HSPA12A: variants seen among roughly 807,000 people sequenced by gnomAD.
HSPA12A encodes heat shock protein family A (Hsp70) member 12A.
HSPA12A carries 28 observed loss-of-function variants against 69.2 expected under a neutral mutation model. The ratio of observed to expected loss-of-function variants is 0.40; its 90% CI spans 0.30 to 0.55. HSPA12A has a LOEUF of 0.55. Ranked by LOEUF, HSPA12A falls within the 20% of genes least tolerant of loss-of-function variation. The pLI, the probability that HSPA12A is intolerant of heterozygous loss-of-function variation, is 0.38. For missense variants in HSPA12A, 686 were observed against 900.7 expected (o/e 0.76, Z 3.05); for synonymous variants, 345 against 370.5 (o/e 0.93, Z 0.79).
chr10:116,813,788 G>A (rs2133187363), intron 2 of HSPA12A, among the ~76,000 whole-genome samples: 1 of 152,202 alleles, frequency 6.6e-6, no homozygotes, highest in East Asian at 1.9e-4. Flanking sequence ...GGAGGCTGAG[G>A]TAAGGGAATC....
intron 6 of HSPA12A, among the ~76,000 whole-genome samples, chr10:116,684,311 C>A (rs1554879227): frequency 6.6e-6 from 1 of 152,148 alleles, no homozygotes; most frequent in African/African-American, 2.4e-5. Flanking sequence ...GGCACACGGG[C>A]TTCCATGCTC....
chr10:116,701,723 T>C (rs1850082472), intron 3 of HSPA12A, among the ~76,000 whole-genome samples: 1 of 151,998 alleles, frequency 6.6e-6, no homozygotes, highest in East Asian at 1.9e-4. Flanking sequence ...TCGTGGAGAA[T>C]GTGAAGTGAC....
At chr10:116,834,874 G>T in intron 2 of HSPA12A, 2 of 924,282 alleles carry the variant, frequency 2.2e-6, no homozygotes, top group Non-Finnish European at 2.8e-6. Context: ...CAGGAATGAG[G>T]TTCTGGGGCA....
intron 2 of HSPA12A, among the ~76,000 whole-genome samples, chr10:116,824,154 G>C (rs572256514): frequency 2.0e-5 from 3 of 152,278 alleles, no homozygotes; most frequent in East Asian, 1.9e-4. Flanking sequence ...TATCTGAAAA[G>C]ATGCCAGCAT....
chr10:116,751,215 T>A, intron 2 of HSPA12A: 1 of 233,082 alleles, frequency 4.3e-6, no homozygotes, highest in Non-Finnish European at 9.2e-6. Flanking sequence ...ATCAGGTAGC[T>A]CAAAGGAAGG....
intron 2 of HSPA12A, among the ~76,000 whole-genome samples, chr10:116,759,191 G>C (rs558725848): frequency 6.6e-6 from 1 of 152,280 alleles, no homozygotes; most frequent in East Asian, 1.9e-4. Context: ...ATCCATTAAG[G>C]TATATCCAGC....
At chr10:116,715,682 T>A (rs943990456) in intron 1 of HSPA12A, among the ~76,000 whole-genome samples, 6 of 152,230 alleles carry the variant, frequency 3.9e-5, no homozygotes, top group Admixed American at 2.0e-4. Context: ...TAATTGTGAT[T>A]TGAATGTGCC....
chr10:116,779,917 A>T (rs1246882366), intron 2 of HSPA12A, among the ~76,000 whole-genome samples: 4 of 152,124 alleles, frequency 2.6e-5, no homozygotes, highest in African/African-American at 9.7e-5. Flanking sequence ...AGGGGACTGC[A>T]GCCACCCTTC....
intron 2 of HSPA12A, among the ~76,000 whole-genome samples, chr10:116,784,533 A>G (rs1401603116): frequency 2.6e-5 from 4 of 152,252 alleles, no homozygotes; most frequent in East Asian, 1.9e-4. Context: ...TAGGTGCTCA[A>G]TAAAGGTTTG....
intron 2 of HSPA12A, among the ~76,000 whole-genome samples, chr10:116,766,898 G>A (rs1311744331): frequency 6.6e-6 from 1 of 152,184 alleles, no homozygotes; most frequent in Non-Finnish European, 1.5e-5. Context: ...GGGCCCCCAG[G>A]GAACTGCTGG....
chr10:116,709,619 T>G (rs188979761), intron 1 of HSPA12A, among the ~76,000 whole-genome samples: 335 of 152,290 alleles, frequency 2.2e-3, no homozygotes, highest in Non-Finnish European at 4.1e-3. Flanking sequence ...ATTGTATCAT[T>G]CCACTTATAG....
chr10:116,683,940 T>A lies in HSPA12A; in HGVS notation c.686A>T (p.Asn229Ile), dbSNP rs1554879124. 1 of 1,579,114 alleles carries A rather than the reference T, an allele frequency of 6.3e-7. No homozygotes were observed. ...CAAGGCAATGATGAGCTGCTCCGAG[T>A]TCTCGGGGGAGGCCAGGCCTGCCTG... Reference protein sequence around the residue: ...AYQAGLASPENSEQLIIALEP... With the variant: ...AYQAGLASPEISEQLIIALEP... Residue 229 changes from asparagine to isoleucine, a missense_variant, in exon 7 of 12, where the codon AAC becomes ATC. Physicochemically the swap from Asn to Ile is moderately radical, Grantham distance 149. Coordinates refer to ENST00000369209, the MANE Select transcript of HSPA12A (RefSeq NM_025015.3).
In HSPA12A at chr10:116,848,995, G is replaced by A. The variant is rs115461281; in HGVS notation, c.3+571C>T. ...CTCAGAGCAGGTAGTTAATAAACAT[G>A]AGCCGAATGAAAGAATTCCTGAGAT... On this transcript the variant is annotated intron_variant, in intron 1 of 12. Transcript: ENST00000635765. Among the ~76,000 whole-genome samples, 777 of 152,308 alleles carry A rather than the reference G, an allele frequency of 5.1e-3. 8 individuals carry two copies. Among genetic ancestry groups the A allele is most frequent in the African/African-American group, 0.018 (742 of 41,560 alleles).
intron 3 of HSPA12A, among the ~76,000 whole-genome samples, chr10:116,703,296 G>A (rs1465087724): frequency 2.0e-5 from 3 of 152,208 alleles, no homozygotes; most frequent in African/African-American, 7.2e-5. Context: ...GAGGAAAGGT[G>A]AGACTTAAAC....
At chr10:116,774,004 G>A (rs1306778658) in intron 2 of HSPA12A, among the ~76,000 whole-genome samples, 1 of 151,814 alleles carries the variant, frequency 6.6e-6, no homozygotes, top group Non-Finnish European at 1.5e-5. Flanking sequence ...AACCTGCTCT[G>A]TGGCAAGGGC....
intron 5 of HSPA12A, among the ~76,000 whole-genome samples, chr10:116,695,424 CT>C (rs1554880692): frequency 3.2e-4 from 49 of 152,246 alleles, no homozygotes; most frequent in Non-Finnish European, 5.6e-4. Flanking sequence ...TGGCTCACAC[CT>C]GTAATCCCAG....
chr10:116,714,625 AG>A (rs1850551365), intron 1 of HSPA12A, among the ~76,000 whole-genome samples: 2 of 152,158 alleles, frequency 1.3e-5, no homozygotes, highest in African/African-American at 2.4e-5. Context: ...GTCAAAATCA[AG>A]GTCTGCTCAC....
intron 6 of HSPA12A, among the ~76,000 whole-genome samples, chr10:116,687,341 T>C (rs1199794635): frequency 1.3e-5 from 2 of 152,160 alleles, no homozygotes; most frequent in Non-Finnish European, 2.9e-5. Flanking sequence ...GGCAAGGTCA[T>C]GGGCCCAGGC....
exon 2 of HSPA12A, chr10:116,835,013 C>G (rs905016223): frequency 1.6e-6 from 2 of 1,231,036 alleles, no homozygotes; most frequent in African/African-American, 3.1e-5. Flanking sequence ...TACACGCCAA[C>G]ACTCTCCATC....
Sources: allele counts gnomAD v4.1 joint callset (sites outside exome capture counted in the v4.1 genomes callset), GRCh38; gene constraint gnomAD v4.1.1; transcripts MANE v1.5; gene names NCBI Gene and HGNC (gene_info 2026-07-23, HGNC 2026-07-21).